The following RHOT1 variants were observed in gnomAD, a reference collection of about 807,000 sequenced individuals.
The protein encoded by RHOT1 is mitochondrial Rho GTPase 1.
In RHOT1, 27 loss-of-function variants were observed where a neutral mutation model predicts 95.3. The ratio of observed to expected loss-of-function variants is 0.28; its 90% CI spans 0.21 to 0.39. The LOEUF is 0.39. Ranked by LOEUF, RHOT1 falls within the 10% of genes least tolerant of loss-of-function variation. The probability of loss-of-function intolerance (pLI) is 1.00; values close to 1 mark genes in which losing one functional copy is unlikely to be tolerated. For missense variants in RHOT1, 578 were observed against 786.7 expected (o/e 0.73, Z 3.17); for synonymous variants, 227 against 263.5 (o/e 0.86, Z 1.34).
At chr17:32,156,115 G>T (rs1235201831) in intron 1 of RHOT1, among the ~76,000 whole-genome samples, 1 of 152,188 alleles carries the variant, frequency 6.6e-6, no homozygotes, top group African/African-American at 2.4e-5. Context: ...AAAATTCCGG[G>T]ACCCAACATT....
rs2037425376 is a variant in RHOT1 at position 32,202,899 on chromosome 17, T to C, written c.1331T>C (p.Met444Thr). ...CAGGCTCTTCTTGGAAGAAACTTAA[T>C]GGTGAGAGTTCTCGTAAAATACAAT... ...VLQALLGRNL[M>T]RQKKIREDHK... The change falls in exon 15 of 20, where the codon ATG becomes ACG. Residue 444 changes from methionine to threonine, a missense_variant and splice_region_variant. Coordinates refer to ENST00000545287, the MANE Select transcript of RHOT1 (RefSeq NM_001033566.3). 1 of 1,608,594 alleles carries C rather than the reference T, an allele frequency of 6.2e-7. No individual in the cohort carries two copies. The highest frequency in any genetic ancestry group is 8.5e-7 in the Non-Finnish European group (1 of 1,178,758).
intron 8 of RHOT1, among the ~76,000 whole-genome samples, chr17:32,189,248 G>A (rs781028016): frequency 6.6e-6 from 1 of 152,132 alleles, no homozygotes; most frequent in Admixed American, 6.5e-5. Context: ...GCAGTGAGCC[G>A]AGATCGTGCC....
In RHOT1 at chr17:32,199,557, A is replaced by G. The variant is rs1326274907; in HGVS notation, c.1100+7A>G. On this transcript the variant is annotated splice_region_variant and intron_variant, in intron 13 of 19. Coordinates refer to ENST00000545287, the MANE Select transcript of RHOT1 (RefSeq NM_001033566.3). Reference sequence around the variant, plus strand: ...GATTCCTTTCCCAGTGGACGTGAGTATAGAGCTCACCTCTTTCCTCTAGAG... The same window carrying G: ...GATTCCTTTCCCAGTGGACGTGAGTGTAGAGCTCACCTCTTTCCTCTAGAG... 6.3e-7 allele frequency: 1 copy of G among 1,592,214 alleles called. No individual in the cohort carries two copies. Among genetic ancestry groups the G allele is most frequent in the African/African-American group, 1.4e-5 (1 of 73,494 alleles).
intron 1 of RHOT1, among the ~76,000 whole-genome samples, chr17:32,167,552 G>A (rs2034199874): frequency 6.6e-6 from 1 of 152,126 alleles, no homozygotes; most frequent in Admixed American, 6.6e-5. Context: ...GAGCCACCAT[G>A]CCCGGCCAGA....
chr17:32,197,336 C>G (rs1243804795), intron 11 of RHOT1, among the ~76,000 whole-genome samples: 1 of 151,028 alleles, frequency 6.6e-6, no homozygotes, highest in African/African-American at 2.4e-5. Flanking sequence ...TCAATCACTT[C>G]TCCTGCCTCA....
Position 32,183,206 on chromosome 17 carries a change from C to T in RHOT1, c.474C>T (p.Leu158=), listed in dbSNP as rs147576979. 3.2e-5 allele frequency: 50 copies of T among 1,569,596 alleles called. No individual in the cohort carries two copies. The highest frequency in any genetic ancestry group is 4.2e-5 in the Non-Finnish European group (48 of 1,153,850). The change falls in exon 8 of 20, where the codon CTC becomes CTT. Residue 158 remains leucine (L), a synonymous_variant. Transcript: ENST00000545287. ...AAAACCTGAAGAACATATCAGAGCT[C>T]TTTTATTACGCACAGAAAGCTGTTC... ...SAKNLKNISE[L]FYYAQKAVLH...
At chr17:32,156,922 T>G (rs554994337) in intron 1 of RHOT1, among the ~76,000 whole-genome samples, 1 of 152,392 alleles carries the variant, frequency 6.6e-6, no homozygotes, top group East Asian at 1.9e-4. Context: ...TCATCTTGAT[T>G]AATCCTCTTA....
At chr17:32,211,319 TACTC>T (rs1200987926) in intron 19 of RHOT1, 81 bp downstream of exon 19, 3 of 1,312,840 alleles carry the variant, frequency 2.3e-6, no homozygotes, top group African/African-American at 2.9e-5. Context: ...ATTATACAGA[TACTC>T]ACTACAAAGA....
chr17:32,180,275 A>T (rs976647272), intron 6 of RHOT1, among the ~76,000 whole-genome samples: 1 of 152,156 alleles, frequency 6.6e-6, no homozygotes, highest in Non-Finnish European at 1.5e-5. Flanking sequence ...GTGTAGAAAG[A>T]AGTAGATATA....
intron 19 of RHOT1, among the ~76,000 whole-genome samples, chr17:32,213,579 A>G (rs1245283700): frequency 6.6e-6 from 1 of 152,250 alleles, no homozygotes; most frequent in East Asian, 1.9e-4. Context: ...AAATCAGTAT[A>G]TAATTTCTTC....
chr17:32,147,894 A>G (rs1490464828), intron 1 of RHOT1, among the ~76,000 whole-genome samples: 1 of 151,460 alleles, frequency 6.6e-6, no homozygotes, highest in Non-Finnish European at 1.5e-5. Context: ...TTCTATGGCC[A>G]GGGATGTTCA....
intron 19 of RHOT1, among the ~76,000 whole-genome samples, chr17:32,220,739 G>A (rs1253222057): frequency 6.6e-6 from 1 of 151,264 alleles, no homozygotes; most frequent in Admixed American, 6.6e-5. Context: ...GGGAGACTGA[G>A]GCACAAGAGT....
rs1396429144 is a variant in RHOT1 at position 32,147,806 on chromosome 17, G to A, written c.37+5077G>A. Among the ~76,000 whole-genome samples, 5 of 149,538 alleles carry A rather than the reference G, an allele frequency of 3.3e-5. No individual in the cohort carries two copies. In the South Asian group the frequency reaches 1.1e-3, roughly 32 times the overall value. On this transcript the variant is annotated intron_variant, in intron 1 of 19. Coordinates refer to ENST00000545287, the MANE Select transcript of RHOT1 (RefSeq NM_001033566.3). ...TGCACTCCAGCCTGGGCGATAGAGT[G>A]AGACTCCATTTCAAAAAAAAAAAAA... is the stretch of plus-strand genomic sequence containing the variant.
chr17:32,217,220 G>C (rs7216187), intron 19 of RHOT1, among the ~76,000 whole-genome samples: 42,433 of 151,942 alleles, frequency 0.28, 7,630 homozygotes, highest in African/African-American at 0.51. Flanking sequence ...CACCTGTGTC[G>C]TTTCCCAAAG....
At chr17:32,224,337 C>CT (rs1489889674) in intron 19 of RHOT1, among the ~76,000 whole-genome samples, 1 of 152,124 alleles carries the variant, frequency 6.6e-6, no homozygotes, top group African/African-American at 2.4e-5. Context: ...TGTCTAACTT[C>CT]TTTATTTCCT....
chr17:32,163,320 T>G (rs1343404465), intron 1 of RHOT1, among the ~76,000 whole-genome samples: 1 of 151,448 alleles, frequency 6.6e-6, no homozygotes, highest in East Asian at 2.0e-4. Context: ...AGGGAAGGAA[T>G]GAATGTTAAA....
intron 4 of RHOT1, 99 bp downstream of exon 4, chr17:32,175,461 GT>G (rs149208196): frequency 6.6e-5 from 80 of 1,218,580 alleles, no homozygotes; most frequent in Non-Finnish European, 8.5e-5. Context: ...TGGTTTTTGT[GT>G]TTTTTTTGGG....
chr17:32,175,196 T>G, intron 3 of RHOT1, 123 bp from the exon 4 acceptor site: 1 of 792,554 alleles, frequency 1.3e-6, no homozygotes, highest in South Asian at 1.7e-5. Context: ...TGGCTTTCCC[T>G]TGTGTTTGCT....
chr17:32,165,046 A>C (rs115167855), intron 1 of RHOT1, among the ~76,000 whole-genome samples: 318 of 151,216 alleles, frequency 2.1e-3, no homozygotes, highest in African/African-American at 7.4e-3. Flanking sequence ...CAAAACAAAA[A>C]AAACAGGGCC....
Sources: allele counts gnomAD v4.1 joint callset (sites outside exome capture counted in the v4.1 genomes callset), GRCh38; gene constraint gnomAD v4.1.1; transcripts MANE v1.5; gene names NCBI Gene and HGNC (gene_info 2026-07-23, HGNC 2026-07-21).